Variants in OR1J2 observed in about 807,000 individuals in gnomAD.
OR1J2 encodes the protein olfactory receptor 1J2.
For missense variants in OR1J2, 304 were observed against 246.1 expected (o/e 1.24, Z -1.57); for synonymous variants, 142 against 99.7 (o/e 1.42, Z -2.52).
At chr9:122,545,494 C>T in the OR1J2 span, among the ~76,000 whole-genome samples, 1 of 152,192 alleles carries the variant, frequency 6.6e-6, no homozygotes, top group South Asian at 2.1e-4. Flanking sequence ...TGTTTTGAAA[C>T]TCTTTCATAA....
the OR1J2 span, among the ~76,000 whole-genome samples, chr9:122,555,142 G>A: frequency 6.6e-6 from 1 of 152,190 alleles, no homozygotes; most frequent in Non-Finnish European, 1.5e-5. Context: ...ACAAAAAAAT[G>A]TTGCAGTGAT....
the OR1J2 span, among the ~76,000 whole-genome samples, chr9:122,517,869 C>A: frequency 6.6e-6 from 1 of 152,250 alleles, no homozygotes; most frequent in East Asian, 1.9e-4. Context: ...GATGCTCTCA[C>A]CCCCTCAAGC....
the OR1J2 span, among the ~76,000 whole-genome samples, chr9:122,570,878 C>T: frequency 9.9e-5 from 15 of 151,888 alleles, no homozygotes; most frequent in African/African-American, 1.7e-4. Context: ...CACTAAATTC[C>T]GTAATAAGGA....
the OR1J2 span, among the ~76,000 whole-genome samples, chr9:122,550,598 T>C: frequency 6.6e-6 from 1 of 151,392 alleles, no homozygotes; most frequent in Non-Finnish European, 1.5e-5. Flanking sequence ...GTGAAATATA[T>C]ACAAATCAAT....
the OR1J2 span, chr9:122,568,760 T>G: frequency 1.6e-5 from 5 of 307,778 alleles, no homozygotes; most frequent in South Asian, 4.4e-4. Context: ...AGACTCAGTA[T>G]TTCCTATTCT....
chr9:122,502,318 C>G, the OR1J2 span, among the ~76,000 whole-genome samples: 1 of 152,158 alleles, frequency 6.6e-6, no homozygotes, highest in East Asian at 1.9e-4. Context: ...AAAAAAATCA[C>G]CAGAGAATTA....
chr9:122,550,630 CAG>C, the OR1J2 span, among the ~76,000 whole-genome samples: 3 of 151,386 alleles, frequency 2.0e-5, no homozygotes, highest in Admixed American at 6.6e-5. Context: ...ACCACATAAA[CAG>C]AATTTAAAAT....
upstream of OR1J2, among the ~76,000 whole-genome samples, chr9:122,508,635 G>C (rs897111845): frequency 1.3e-5 from 2 of 152,112 alleles, no homozygotes; most frequent in African/African-American, 4.8e-5. Flanking sequence ...CTGAGTGATT[G>C]CTTTGTTTTG....
At chr9:122,534,770 C>G in the OR1J2 span, among the ~76,000 whole-genome samples, 23 of 152,010 alleles carry the variant, frequency 1.5e-4, no homozygotes, top group Non-Finnish European at 2.6e-4. Flanking sequence ...AGGAAGATTT[C>G]GGACGATTTG....
At chr9:122,562,824 A>G in the OR1J2 span, among the ~76,000 whole-genome samples, 1 of 152,122 alleles carries the variant, frequency 6.6e-6, no homozygotes, top group Non-Finnish European at 1.5e-5. Flanking sequence ...AGGTTCATCC[A>G]TGCTGCCACA....
At chr9:122,552,073 T>TCACACACACACACACATACA in the OR1J2 span, among the ~76,000 whole-genome samples, 1 of 142,396 alleles carries the variant, frequency 7.0e-6, no homozygotes. Context: ...TCTCTCTCTC[T>TCACACACACACACACATACA]CTCTCTCACA....
chr9:122,489,140 A>G, the OR1J2 span, among the ~76,000 whole-genome samples: 4 of 152,118 alleles, frequency 2.6e-5, no homozygotes, highest in African/African-American at 9.7e-5. Flanking sequence ...AGACACTGTA[A>G]TGAAGGTAAG....
the OR1J2 span, chr9:122,554,148 A>C: frequency 6.2e-7 from 1 of 1,611,056 alleles, no homozygotes; most frequent in Non-Finnish European, 8.5e-7. Flanking sequence ...CAGTGGAAAA[A>C]CATTCTTTTT....
At chr9:122,569,567 C>G in the OR1J2 span, among the ~76,000 whole-genome samples, 3 of 76,092 alleles carry the variant, frequency 3.9e-5, no homozygotes, top group African/African-American at 1.6e-4. Flanking sequence ...GATTTTCAAG[C>G]ATTTTTAGAT....
chr9:122,536,940 C>T, the OR1J2 span, among the ~76,000 whole-genome samples: 3 of 152,082 alleles, frequency 2.0e-5, no homozygotes, highest in Non-Finnish European at 2.9e-5. Context: ...GTAATAGTAC[C>T]ATGCTGTTTT....
chr9:122,516,545 C>G (rs1828702716), downstream of OR1J2, among the ~76,000 whole-genome samples: 1 of 152,000 alleles, frequency 6.6e-6, no homozygotes, highest in South Asian at 2.1e-4. Context: ...CCTCGTGATC[C>G]GCCCGCCTCG....
the OR1J2 span, among the ~76,000 whole-genome samples, chr9:122,531,644 A>G: frequency 3.3e-4 from 51 of 152,306 alleles, no homozygotes; most frequent in African/African-American, 1.0e-3. Context: ...GCTGAGCTTG[A>G]TAAGGTGTGT....
At chr9:122,576,719 A>G in the OR1J2 span, 1 of 152,210 alleles carries the variant, frequency 6.6e-6, no homozygotes, top group African/African-American at 2.4e-5. Flanking sequence ...AGACTTGTCT[A>G]CACTGAGCCT....
At chr9:122,546,758 A>G in the OR1J2 span, among the ~76,000 whole-genome samples, 3 of 152,218 alleles carry the variant, frequency 2.0e-5, no homozygotes, top group African/African-American at 7.2e-5. Flanking sequence ...TGTAAGAATA[A>G]TGGAAGAATA....
Sources: gnomAD v4.1 joint callset for allele counts (sites outside exome capture counted in the v4.1 genomes callset) on GRCh38, gnomAD v4.1.1 for gene constraint, MANE v1.5 for transcripts, NCBI Gene and HGNC (gene_info 2026-07-23, HGNC 2026-07-21) for gene names.